The following HNF4G variants were observed in gnomAD, a reference collection of about 807,000 sequenced individuals.
The protein encoded by HNF4G is hepatocyte nuclear factor 4-gamma.
HNF4G carries 21 observed loss-of-function variants against 50.9 expected under a neutral mutation model. The observed-to-expected ratio is 0.41, with a 90% CI of 0.29 to 0.59. The LOEUF (loss-of-function observed/expected upper bound fraction) is 0.59. Among genes scored for constraint, HNF4G ranks in the 20% least tolerant of loss-of-function variants. HNF4G has a pLI of 0.26. For missense variants in HNF4G, 527 were observed against 559.4 expected, an observed-to-expected ratio of 0.94 and a Z score of 0.58; for synonymous variants, 198 against 185.6, an observed-to-expected ratio of 1.07 and a Z score of -0.54.
chr8:75,562,217 C>T (rs574364264), intron 9 of HNF4G, among the ~76,000 whole-genome samples: 29 of 152,036 alleles, frequency 1.9e-4, no homozygotes, highest in South Asian at 1.5e-3. Flanking sequence ...TGGTAGGGAA[C>T]GTAGAAGCCA....
intron 2 of HNF4G, among the ~76,000 whole-genome samples, chr8:75,521,123 C>G (rs948871076): frequency 6.6e-6 from 1 of 151,998 alleles, no homozygotes; most frequent in African/African-American, 2.4e-5. Flanking sequence ...AACAAAAGAA[C>G]TATTGTTAAA....
At chr8:75,472,435 C>G (rs911480555) in intron 1 of HNF4G, among the ~76,000 whole-genome samples, 2 of 152,118 alleles carry the variant, frequency 1.3e-5, no homozygotes, top group Non-Finnish European at 2.9e-5. Flanking sequence ...GTAGCCGAAC[C>G]CTCTCAACTT....
At chr8:75,507,418 G>C (rs1438694503) in intron 2 of HNF4G, among the ~76,000 whole-genome samples, 1 of 151,916 alleles carries the variant, frequency 6.6e-6, no homozygotes, top group Admixed American at 6.6e-5. Context: ...CCGCCACCAT[G>C]CCCAGCCAAT....
chr8:75,476,153 G>A (rs1050539487), intron 1 of HNF4G, among the ~76,000 whole-genome samples: 1 of 151,886 alleles, frequency 6.6e-6, no homozygotes, highest in East Asian at 1.9e-4. Flanking sequence ...TTACATCCAT[G>A]TCCATTGTTT....
intron 3 of HNF4G, among the ~76,000 whole-genome samples, chr8:75,550,045 A>G (rs979739160): frequency 3.3e-5 from 5 of 152,134 alleles, no homozygotes; most frequent in Non-Finnish European, 7.4e-5. Context: ...AAGTCCTGTA[A>G]TTCCTCCTTT....
chr8:75,425,456 G>A (rs17303240), intron 1 of HNF4G, among the ~76,000 whole-genome samples: 17,760 of 151,192 alleles, frequency 0.12, 1,143 homozygotes, highest in Middle Eastern at 0.17. Context: ...CAACAAATTA[G>A]CCTTTTTCTG....
chr8:75,461,921 TA>T lies in HNF4G; in HGVS notation c.-143-28167del, dbSNP rs1563515864. 7.7e-3 allele frequency among the ~76,000 whole-genome samples: 1,128 copies of T among 146,724 alleles called. 12 individuals are homozygous for T. Among genetic ancestry groups the T allele is most frequent in the African/African-American group, 0.025 (1,030 of 40,512 alleles). ...ATATAAATATAAATATATATATATA[TA>T]TATATATTTTTTTAGATGGAGTTTT... On this transcript the variant is annotated intron_variant, in intron 1 of 10. Transcript: ENST00000354370.
chr8:75,514,017 C>T (rs1805825791), intron 2 of HNF4G, among the ~76,000 whole-genome samples: 2 of 151,802 alleles, frequency 1.3e-5, no homozygotes, highest in South Asian at 2.1e-4. Context: ...GCTATTTTTT[C>T]CTCCTTTATC....
At chr8:75,432,488 A>G (rs1342382600) in intron 1 of HNF4G, among the ~76,000 whole-genome samples, 1 of 151,882 alleles carries the variant, frequency 6.6e-6, no homozygotes, top group Non-Finnish European at 1.5e-5. Flanking sequence ...TTTAGTAGAG[A>G]TGGGGTTTCA....
chr8:75,509,958 A>G (rs567121984), intron 2 of HNF4G, among the ~76,000 whole-genome samples: 40 of 152,308 alleles, frequency 2.6e-4, no homozygotes, highest in Admixed American at 4.6e-4. Flanking sequence ...TTATTAAAGA[A>G]AAATTACTAT....
chr8:75,470,623 C>A (rs1327108135), intron 1 of HNF4G, among the ~76,000 whole-genome samples: 1 of 152,008 alleles, frequency 6.6e-6, no homozygotes, highest in Non-Finnish European at 1.5e-5. Context: ...ATTCAGTGAA[C>A]AAAGAAGCAT....
At chr8:75,453,144 T>C (rs991427319) in intron 1 of HNF4G, among the ~76,000 whole-genome samples, 4 of 152,238 alleles carry the variant, frequency 2.6e-5, no homozygotes, top group African/African-American at 9.6e-5. Flanking sequence ...CATATGCCTG[T>C]GCTGTTCCTT....
rs1807459228 is a variant in HNF4G, at chr8:75,566,225, A to C, written c.*2129A>C. The stretch of plus-strand genomic sequence containing the variant: ...TTCTAGCTGTGTCCTTATACATAAA[A>C]GGAAAAAGGTAGCTCTCTCGAGTCT... On this transcript the variant is annotated 3_prime_UTR_variant, in exon 10 of 10. Coordinates refer to ENST00000396423, the MANE Select transcript of HNF4G (RefSeq NM_004133.5). The C allele has an allele frequency of 6.6e-6, 1 of 152,176 alleles. No homozygotes were observed. Among genetic ancestry groups the C allele is most frequent in the Admixed American group, 6.6e-5 (1 of 15,262 alleles). 9.4% of individuals were successfully genotyped at this position (152,176 alleles called of 1,614,324 possible). A position where few individuals can be genotyped will look rare whatever the true frequency, so the allele number is the denominator to read the frequency against.
intron 4 of HNF4G, 26 bp from the exon 5 acceptor site, chr8:75,553,016 T>C: frequency 6.5e-7 from 1 of 1,548,330 alleles, no homozygotes; most frequent in African/African-American, 1.4e-5. Context: ...TTTTAAATGA[T>C]AATATAATGC....
At chr8:75,436,184 A>C (rs1399110788) in intron 1 of HNF4G, among the ~76,000 whole-genome samples, 1 of 152,192 alleles carries the variant, frequency 6.6e-6, no homozygotes, top group Non-Finnish European at 1.5e-5. Flanking sequence ...TATATTGTAA[A>C]TAGGAGGACA....
At chr8:75,552,051 T>C (rs1290314953) in intron 4 of HNF4G, among the ~76,000 whole-genome samples, 1 of 151,960 alleles carries the variant, frequency 6.6e-6, no homozygotes, top group East Asian at 1.9e-4. Context: ...AAAAATAAAT[T>C]ATTTAGTGTT....
upstream of HNF4G, among the ~76,000 whole-genome samples, chr8:75,539,038 G>T (rs568529955): frequency 6.6e-6 from 1 of 152,138 alleles, no homozygotes; most frequent in Admixed American, 6.6e-5. Flanking sequence ...TATTGATTGA[G>T]AACTATTGTC....
At chr8:75,531,154 T>C (rs1308665313) in intron 2 of HNF4G, among the ~76,000 whole-genome samples, 3 of 152,028 alleles carry the variant, frequency 2.0e-5, no homozygotes, top group African/African-American at 7.2e-5. Context: ...AGATAGAAAT[T>C]CTAGAGAAAT....
chr8:75,519,819 T>C (rs1805992224), intron 2 of HNF4G, among the ~76,000 whole-genome samples: 1 of 146,274 alleles, frequency 6.8e-6, no homozygotes, highest in Non-Finnish European at 1.5e-5. Context: ...TTGTAGGCAG[T>C]ATATAATTGT....
Sources: allele counts gnomAD v4.1 joint callset (sites outside exome capture counted in the v4.1 genomes callset), GRCh38; gene constraint gnomAD v4.1.1; transcripts MANE v1.5; gene names NCBI Gene and HGNC (gene_info 2026-07-23, HGNC 2026-07-21).